CNTNAP2: variants seen among roughly 807,000 people sequenced by gnomAD.
CNTNAP2 encodes contactin associated protein 2.
A neutral mutation model predicts 155.2 loss-of-function variants in CNTNAP2; 98 were observed. That is an observed-to-expected ratio of 0.63 (90% CI 0.54 to 0.75). The LOEUF (loss-of-function observed/expected upper bound fraction) is 0.75, where lower values mean the gene tolerates loss of function less well. Among genes scored for constraint, CNTNAP2 ranks in the 30% least tolerant of loss-of-function variants. The pLI is 0.00. For synonymous variants in CNTNAP2, 651 were observed against 631.2 expected, an observed-to-expected ratio of 1.03 and a Z score of -0.47; for missense variants, 1,727 against 1,688.1, an observed-to-expected ratio of 1.02 and a Z score of -0.40.
intron 10 of CNTNAP2, among the ~76,000 whole-genome samples, chr7:147,472,047 G>C (rs1416184356): frequency 6.6e-6 from 1 of 152,276 alleles, no homozygotes; most frequent in African/African-American, 2.4e-5. Context: ...TCAGTGTTCA[G>C]TTGACACCTG....
At chr7:146,138,225 T>A (rs1365698780) in intron 1 of CNTNAP2, among the ~76,000 whole-genome samples, 1 of 152,160 alleles carries the variant, frequency 6.6e-6, no homozygotes, top group African/African-American at 2.4e-5. Flanking sequence ...TGCAAAATGT[T>A]ACTATGTGGA....
At chr7:147,563,444 C>A (rs774958684) in intron 12 of CNTNAP2, among the ~76,000 whole-genome samples, 2 of 151,966 alleles carry the variant, frequency 1.3e-5, no homozygotes, top group Non-Finnish European at 2.9e-5. Context: ...TTCTGGCCAA[C>A]ATGAGGAAAC....
chr7:147,541,926 G>A (rs1799647532), intron 11 of CNTNAP2, among the ~76,000 whole-genome samples: 1 of 152,060 alleles, frequency 6.6e-6, no homozygotes. Flanking sequence ...ATACAGTTTT[G>A]GCCCAGATAA....
At chr7:147,066,655 A>G (rs1165978401) in intron 4 of CNTNAP2, among the ~76,000 whole-genome samples, 3 of 152,202 alleles carry the variant, frequency 2.0e-5, no homozygotes, top group Non-Finnish European at 2.9e-5. Context: ...GCACAAACTC[A>G]TAATGGGGGA....
At position 147,411,174 on chromosome 7, in the gene CNTNAP2, C is replaced by G. The variant is rs142697225; in HGVS notation, c.1670+15394C>G. Among the ~76,000 whole-genome samples the G allele has an allele frequency of 3.1e-3, 478 of 152,252 alleles. 5 individuals carry two copies. The highest frequency in any genetic ancestry group is 0.011 in the African/African-American group (446 of 41,544). On this transcript the variant is annotated intron_variant, in intron 10 of 23. Transcript: ENST00000361727. Reference sequence around the variant, plus strand: ...CATCTCCAGAGAATATCTTTACAGACTTAGAAGCCAGATGTGTTGGTTTTC... The same window carrying G: ...CATCTCCAGAGAATATCTTTACAGAGTTAGAAGCCAGATGTGTTGGTTTTC...
chr7:147,783,608 T>C (rs1170372944), intron 13 of CNTNAP2, among the ~76,000 whole-genome samples: 2 of 152,220 alleles, frequency 1.3e-5, no homozygotes, highest in South Asian at 2.1e-4. Flanking sequence ...CGTTTATTGC[T>C]ATAGACAAAA....
chr7:148,209,983 C>T (rs986247312), intron 18 of CNTNAP2, among the ~76,000 whole-genome samples: 1 of 152,222 alleles, frequency 6.6e-6, no homozygotes, highest in Non-Finnish European at 1.5e-5. Context: ...CAAAATCTCA[C>T]TGGCCTTCAA....
At chr7:147,000,259 T>A (rs1330118009) in intron 3 of CNTNAP2, among the ~76,000 whole-genome samples, 1 of 152,100 alleles carries the variant, frequency 6.6e-6, no homozygotes, top group Non-Finnish European at 1.5e-5. Flanking sequence ...CTCATCATAG[T>A]CACAATGTTT....
intron 1 of CNTNAP2, among the ~76,000 whole-genome samples, chr7:146,311,453 A>C (rs1800818469): frequency 6.6e-6 from 1 of 152,044 alleles, no homozygotes; most frequent in African/African-American, 2.4e-5. Context: ...CTTATGACAA[A>C]TCAACATTGT....
intron 15 of CNTNAP2, among the ~76,000 whole-genome samples, chr7:147,981,786 G>GGTGTGTGTGTGTGTGTGTGTGTGT (rs57272792): frequency 1.1e-3 from 152 of 143,770 alleles, no homozygotes; most frequent in African/African-American, 3.1e-3. Context: ...TGTCCTTACA[G>GGTGTGTGTGTGTGTGTGTGTGTGT]GTGTGTGTGT....
chr7:146,395,453 G>GTT (rs34094169), intron 1 of CNTNAP2, among the ~76,000 whole-genome samples: 5 of 151,742 alleles, frequency 3.3e-5, no homozygotes, highest in South Asian at 2.1e-4. Context: ...GTGCTAAATA[G>GTT]TTTTTTTTGT....
intron 1 of CNTNAP2, among the ~76,000 whole-genome samples, chr7:146,127,801 A>C (rs1284599208): frequency 6.6e-6 from 1 of 152,204 alleles, no homozygotes; most frequent in East Asian, 1.9e-4. Flanking sequence ...AATCTTCTAA[A>C]TGATAGCTGT....
At chr7:147,556,080 C>G (rs1799946483) in intron 11 of CNTNAP2, among the ~76,000 whole-genome samples, 1 of 152,176 alleles carries the variant, frequency 6.6e-6, no homozygotes, top group African/African-American at 2.4e-5. Flanking sequence ...TTCTCTGTCA[C>G]ATCGTCTGCT....
chr7:147,165,716 T>G (rs926290964), intron 8 of CNTNAP2, among the ~76,000 whole-genome samples: 4 of 152,322 alleles, frequency 2.6e-5, no homozygotes, highest in Admixed American at 6.5e-5. Flanking sequence ...CAGCACCATT[T>G]GTTGAATAGG....
At chr7:146,449,622 C>T (rs1009220343) in intron 1 of CNTNAP2, among the ~76,000 whole-genome samples, 1 of 152,062 alleles carries the variant, frequency 6.6e-6, no homozygotes, top group South Asian at 2.1e-4. Flanking sequence ...CCCTAGCTAG[C>T]CCTTTGATAT....
chr7:146,639,786 T>C (rs1429611951), intron 1 of CNTNAP2, among the ~76,000 whole-genome samples: 3 of 152,228 alleles, frequency 2.0e-5, no homozygotes, highest in South Asian at 2.1e-4. Flanking sequence ...AGGTCAATTA[T>C]TATCACAGTT....
intron 13 of CNTNAP2, among the ~76,000 whole-genome samples, chr7:147,798,273 C>T (rs563872519): frequency 2.2e-4 from 34 of 152,046 alleles, no homozygotes; most frequent in Admixed American, 8.5e-4. Flanking sequence ...ACCACCCAAC[C>T]GAGAAATAGA....
intron 13 of CNTNAP2, among the ~76,000 whole-genome samples, chr7:147,748,784 T>C (rs1797088014): frequency 6.6e-6 from 1 of 152,158 alleles, no homozygotes; most frequent in Non-Finnish European, 1.5e-5. Flanking sequence ...GTCTACAAGA[T>C]GGAATATTCT....
Position 147,044,034 on chromosome 7 carries a change from A to C in CNTNAP2, c.530A>C (p.Glu177Ala). 3 of 1,614,154 alleles carry C rather than the reference A, an allele frequency of 1.9e-6. No homozygotes were observed. The highest frequency in any genetic ancestry group is 2.5e-6 in the Non-Finnish European group (3 of 1,180,014). ...GAAGGTCGCATTGGACTCAGAATTGAAGTTTATGGCTGTTCTTACTGTGAG... is the reference window on the plus strand; with the variant it reads ...GAAGGTCGCATTGGACTCAGAATTGCAGTTTATGGCTGTTCTTACTGTGAG... Reference protein sequence around the residue: ...NGEGRIGLRIEVYGCSYWADV... With the variant: ...NGEGRIGLRIAVYGCSYWADV... The change falls in exon 4 of 24, where the codon GAA becomes GCA. Residue 177 changes from glutamate to alanine, a missense_variant. Physicochemically the swap from Glu to Ala is moderately radical, Grantham distance 107 (BLOSUM62 -1). Coordinates refer to ENST00000361727, the MANE Select transcript of CNTNAP2 (RefSeq NM_014141.6).
Sources: gnomAD v4.1 joint callset for allele counts (sites outside exome capture counted in the v4.1 genomes callset) on GRCh38, gnomAD v4.1.1 for gene constraint, MANE v1.5 for transcripts, NCBI Gene and HGNC (gene_info 2026-07-23, HGNC 2026-07-21) for gene names.